CDC123: variants seen among roughly 807,000 people sequenced by gnomAD.
CDC123 encodes the protein translation initiation factor eIF2 assembly protein.
Under a neutral mutation model 54.4 loss-of-function variants are expected in CDC123, and 37 were observed. The observed-to-expected ratio is 0.68, with a 90% CI of 0.52 to 0.89. CDC123 has a LOEUF of 0.89. Ranked by LOEUF, CDC123 falls within the 40% of genes least tolerant of loss-of-function variation. The probability of loss-of-function intolerance (pLI) is 0.00; values close to 1 mark genes in which losing one functional copy is unlikely to be tolerated. For missense variants in CDC123, 361 were observed against 412.1 expected (o/e 0.88, Z 1.07); for synonymous variants, 144 against 136.8 (o/e 1.05, Z -0.37).
chr10:12,199,007 C>T (rs186625793), intron 2 of CDC123: 56 of 374,602 alleles, frequency 1.5e-4, no homozygotes, highest in Non-Finnish European at 2.3e-4. Flanking sequence ...CCTTTCATCT[C>T]TGTCTTTAGA....
intron 6 of CDC123, among the ~76,000 whole-genome samples, chr10:12,225,042 C>T (rs923790061): frequency 1.3e-5 from 2 of 152,200 alleles, no homozygotes; most frequent in Middle Eastern, 3.4e-3. Context: ...CATATCCTGG[C>T]GCTTTTCCCA....
intron 7 of CDC123, among the ~76,000 whole-genome samples, chr10:12,232,494 T>C (rs886145973): frequency 6.6e-6 from 1 of 152,142 alleles, no homozygotes; most frequent in Non-Finnish European, 1.5e-5. Context: ...ATGTATCTTT[T>C]AGGATTATAC....
At chr10:12,216,128 C>A (rs1835660398) in intron 5 of CDC123, among the ~76,000 whole-genome samples, 1 of 152,002 alleles carries the variant, frequency 6.6e-6, no homozygotes, top group Non-Finnish European at 1.5e-5. Flanking sequence ...TTCAGCTGTT[C>A]AGTTTAACAG....
chr10:12,241,476 G>A (rs12267350), intron 10 of CDC123, among the ~76,000 whole-genome samples: 3,160 of 152,078 alleles, frequency 0.021, 100 homozygotes, highest in African/African-American at 0.072. Flanking sequence ...GTTCCTTTGC[G>A]TGTTTGGTAT....
chr10:12,236,509 G>A (rs1279441582), intron 8 of CDC123, among the ~76,000 whole-genome samples: 1 of 151,972 alleles, frequency 6.6e-6, no homozygotes, highest in African/African-American at 2.4e-5. Flanking sequence ...TGAGGTGGGA[G>A]GGTCACTTGA....
chr10:12,235,743 C>G (rs1048821182), intron 8 of CDC123, among the ~76,000 whole-genome samples: 1 of 152,138 alleles, frequency 6.6e-6, no homozygotes, highest in African/African-American at 2.4e-5. Flanking sequence ...ACTATTGATG[C>G]ATTGAATGTG....
intron 6 of CDC123, among the ~76,000 whole-genome samples, chr10:12,223,208 C>G (rs1171581378): frequency 6.6e-6 from 1 of 151,996 alleles, no homozygotes; most frequent in African/African-American, 2.4e-5. Flanking sequence ...TGTCATCTTT[C>G]AGTGTGCAAA....
intron 4 of CDC123, 68 bp downstream of exon 4, chr10:12,210,390 T>G: frequency 1.3e-6 from 2 of 1,572,814 alleles, no homozygotes. Context: ...CGTCAAGGTT[T>G]AAGTGCATAC....
In CDC123 at chr10:12,230,860, T is replaced by TA; in HGVS notation, c.441-87dup. ...TTTCTGGATGCTTTTAGTAAAACGT[T>TA]ACTCTCATGTTAAATATATGTTAAG... is the stretch of plus-strand genomic sequence containing the variant. On this transcript the variant is annotated intron_variant, in intron 6 of 12. Coordinates refer to ENST00000281141, the MANE Select transcript of CDC123 (RefSeq NM_006023.3). The TA allele has an allele frequency of 8.9e-6, 11 of 1,229,632 alleles. No individual in the cohort carries two copies. In the Middle Eastern group the frequency reaches 1.5e-3, roughly 169 times the overall value. The allele number at this position is 1,229,632 out of a possible 1,614,324, so 76.2% of individuals were successfully genotyped here. A position where few individuals can be genotyped will look rare whatever the true frequency, so the allele number is the denominator to read the frequency against.
At position 12,234,969 on chromosome 10, in the gene CDC123, T is replaced by C. The variant is rs1835959651; in HGVS notation, c.490-79T>C. 8 of 963,940 alleles carry C rather than the reference T, an allele frequency of 8.3e-6. No homozygotes were observed. In the East Asian group the frequency reaches 1.9e-4, roughly 23 times the overall value. 59.7% of individuals were successfully genotyped at this position (963,940 alleles called of 1,614,324 possible). A position where few individuals can be genotyped will look rare whatever the true frequency, so the allele number is the denominator to read the frequency against. ...CATTTGATAATGGCAATCATTAAGA[T>C]ACAGTGTTGACCTAAAATTGCCTAG... On this transcript the variant is annotated intron_variant, in intron 7 of 12. Transcript: ENST00000281141.
chr10:12,201,924 G>C (rs1251914465), intron 2 of CDC123, among the ~76,000 whole-genome samples: 1 of 152,160 alleles, frequency 6.6e-6, no homozygotes, highest in Admixed American at 6.5e-5. Context: ...TTCAGAACTT[G>C]ATGACAGGAA....
chr10:12,204,823 T>C (rs1474185578), intron 2 of CDC123, among the ~76,000 whole-genome samples: 1 of 151,742 alleles, frequency 6.6e-6, no homozygotes, highest in Non-Finnish European at 1.5e-5. Flanking sequence ...TGAAACCCCG[T>C]CTCAACTAAA....
chr10:12,243,432 C>T (rs1291596163), intron 10 of CDC123, among the ~76,000 whole-genome samples: 1 of 150,610 alleles, frequency 6.6e-6, no homozygotes, highest in Non-Finnish European at 1.5e-5. Context: ...TGCATTGTGG[C>T]ATATTCCTAT....
intron 6 of CDC123, among the ~76,000 whole-genome samples, chr10:12,220,793 C>T (rs1054522874): frequency 5.9e-5 from 9 of 152,060 alleles, no homozygotes; most frequent in Admixed American, 4.6e-4. Flanking sequence ...CTGGCTAACA[C>T]GGTGAAACCC....
chr10:12,250,187 G>T (rs1836221556), intron 12 of CDC123, 124 bp from the exon 13 acceptor site: 1 of 576,060 alleles, frequency 1.7e-6, no homozygotes, highest in Non-Finnish European at 3.0e-6. Context: ...ATGAATTAAA[G>T]CATGGTTTTC....
chr10:12,205,959 C>G (rs1256969880), intron 2 of CDC123, among the ~76,000 whole-genome samples: 1 of 149,806 alleles, frequency 6.7e-6, no homozygotes, highest in Non-Finnish European at 1.5e-5. Context: ...CGACCACGCC[C>G]AGCTAATTTT....
chr10:12,231,089 G>A, intron 7 of CDC123, 93 bp downstream of exon 7: 2 of 1,220,802 alleles, frequency 1.6e-6, no homozygotes, highest in South Asian at 2.8e-5. Context: ...GAAGTTTCTT[G>A]GATTAATTTC....
In CDC123 at chr10:12,250,494, G is replaced by A. The variant is rs538913551; in HGVS notation, c.*157G>A. On this transcript the variant is annotated 3_prime_UTR_variant, in exon 13 of 13. Transcript: ENST00000281141. The stretch of plus-strand genomic sequence containing the variant: ...TGTACATTCACCTGGGGAAAAAAAC[G>A]GAGGGACTTTGCTACTTGTAAAAAT... 86 of 706,086 alleles carry A rather than the reference G, an allele frequency of 1.2e-4. No individual in the cohort carries two copies. The highest frequency in any genetic ancestry group is 9.7e-4 in the African/African-American group (55 of 56,838). The allele number at this position is 706,086 out of a possible 1,614,324, so 43.7% of individuals were successfully genotyped here.
intron 1 of CDC123, among the ~76,000 whole-genome samples, chr10:12,197,860 A>T (rs545260540): frequency 1.2e-4 from 18 of 152,210 alleles, no homozygotes; most frequent in Admixed American, 7.2e-4. Context: ...TTTTTGTGCA[A>T]AAAAACCATT....
Sources: allele counts gnomAD v4.1 joint callset (sites outside exome capture counted in the v4.1 genomes callset), GRCh38; gene constraint gnomAD v4.1.1; transcripts MANE v1.5; gene names NCBI Gene and HGNC (gene_info 2026-07-23, HGNC 2026-07-21).